The following LYAR variants were observed in gnomAD, a reference collection of about 807,000 sequenced individuals.
LYAR encodes the protein Ly1 antibody reactive, also known as cell growth-regulating nucleolar protein.
In LYAR, 37 loss-of-function variants were observed where a neutral mutation model predicts 45.2. That is an observed-to-expected ratio of 0.82 (90% CI 0.63 to 1.08). The LOEUF (loss-of-function observed/expected upper bound fraction) is 1.08, where lower values mean the gene tolerates loss of function less well. Among genes scored for constraint, LYAR ranks in the 50% least tolerant of loss-of-function variants. The pLI is 0.00. For synonymous variants in LYAR, 176 were observed against 155.1 expected (o/e 1.14, Z -1.00); for missense variants, 493 against 451.0 (o/e 1.09, Z -0.84).
rs141027566 is a variant in LYAR at position 4,267,979 on chromosome 4, G to A, written c.1050C>T (p.Ser350=). The change falls in exon 10 of 10, where the codon TCC becomes TCT. Residue 350 remains serine (S), a synonymous_variant. Transcript: ENST00000343470. ...YYTVTDEHHR[S]EEELLVIFNK... is the part of the protein sequence containing the mutation. ...TAAAGATGACCAGGAGTTCCTCTTC[G>A]GATCTGTGATGCTCATCTGTCACTG... is the stretch of plus-strand genomic sequence containing the variant. 2.4e-5 allele frequency: 38 copies of A among 1,612,182 alleles called. No individual in the cohort carries two copies. Among genetic ancestry groups the A allele is most frequent in the African/African-American group, 2.3e-4 (17 of 74,862 alleles).
chr4:4,272,406 C>A (rs1427893515), intron 8 of LYAR, among the ~76,000 whole-genome samples: 2 of 152,210 alleles, frequency 1.3e-5, no homozygotes. Flanking sequence ...CCTGAAATCA[C>A]AATGGTACTG....
chr4:4,268,500 T>C (rs1205441312), intron 9 of LYAR, 30 bp downstream of exon 9: 7 of 1,380,638 alleles, frequency 5.1e-6, no homozygotes, highest in Non-Finnish European at 6.1e-6. Context: ...CCCCAGCTGT[T>C]AGACACGTGG....
chr4:4,274,614 C>A lies in LYAR; in HGVS notation c.585G>T (p.Arg195=). 6.2e-7 allele frequency: 1 copy of A among 1,613,984 alleles called. No homozygotes were observed. Among genetic ancestry groups the A allele is most frequent in the Non-Finnish European group, 8.5e-7 (1 of 1,179,998 alleles). The change falls in exon 7 of 10, where the codon CGG becomes CGT. Residue 195 remains arginine, a synonymous_variant. Transcript: ENST00000343470. ...KKNKRERKEE[R]QKKRKREKKE... ...TCTTTTCTCTTTTCCTTTTCTTCTGCCGTTCTTCCTTTCTTTCTCTTTTAT... is the reference window on the plus strand; with the variant it reads ...TCTTTTCTCTTTTCCTTTTCTTCTGACGTTCTTCCTTTCTTTCTCTTTTAT...
At chr4:4,269,801 T>C (rs1242329448) in intron 8 of LYAR, among the ~76,000 whole-genome samples, 1 of 152,208 alleles carries the variant, frequency 6.6e-6, no homozygotes, top group Non-Finnish European at 1.5e-5. Context: ...AACATAGACC[T>C]GAAATTTGCT....
At chr4:4,272,364 G>T (rs898127918) in intron 8 of LYAR, among the ~76,000 whole-genome samples, 3 of 152,154 alleles carry the variant, frequency 2.0e-5, no homozygotes, top group Admixed American at 6.5e-5. Context: ...CCCTTGATCT[G>T]CAGGGGACAG....
chr4:4,276,584 C>T (rs902964709), intron 6 of LYAR, among the ~76,000 whole-genome samples: 1 of 150,040 alleles, frequency 6.7e-6, no homozygotes, highest in South Asian at 2.1e-4. Context: ...AGGCCGGGTG[C>T]GGTGGCTCAT....
chr4:4,276,248 T>G (rs1490649130), intron 6 of LYAR, among the ~76,000 whole-genome samples: 1 of 152,184 alleles, frequency 6.6e-6, no homozygotes, highest in East Asian at 1.9e-4. Flanking sequence ...TCTCTGTTAG[T>G]CTAGCCAAAG....
intron 8 of LYAR, among the ~76,000 whole-genome samples, chr4:4,270,004 A>C (rs1175180460): frequency 1.3e-5 from 2 of 152,134 alleles, no homozygotes; most frequent in Admixed American, 6.5e-5. Flanking sequence ...GGATTGCTTG[A>C]GCCCAGGAGT....
chr4:4,278,607 C>T (rs761475136), intron 6 of LYAR, among the ~76,000 whole-genome samples: 1 of 152,176 alleles, frequency 6.6e-6, no homozygotes, highest in African/African-American at 2.4e-5. Context: ...CTAGTCACTA[C>T]GTCCTCACCC....
At chr4:4,273,934 T>C (rs549679815) in intron 7 of LYAR, among the ~76,000 whole-genome samples, 1 of 152,214 alleles carries the variant, frequency 6.6e-6, no homozygotes. Context: ...GTTCCCTTAC[T>C]TGGTTCAAAA....
At position 4,281,875 on chromosome 4, in the gene LYAR, C is replaced by G. The variant is rs151107558; in HGVS notation, c.145G>C (p.Val49Leu). The G allele has an allele frequency of 3.1e-6, 5 of 1,613,948 alleles. No homozygotes were observed. In the East Asian group the frequency reaches 8.9e-5, roughly 29 times the overall value. ...TTCTGATCTTCACTTATGCATTTCA[C>G]GTGGTTTTTATAGTCATCGCCCCTT... Reference protein sequence around the residue: ...DFWGDDYKNHVKCISEDQKYG... With the variant: ...DFWGDDYKNHLKCISEDQKYG... The change falls in exon 4 of 10, where the codon GTG (valine) becomes CTG (leucine). Residue 49 changes from valine to leucine, a missense_variant. Physicochemically the swap from Val to Leu is conservative, Grantham distance 32 (BLOSUM62 1). Transcript: ENST00000343470.
intron 7 of LYAR, among the ~76,000 whole-genome samples, chr4:4,274,057 C>T (rs971899073): frequency 2.0e-5 from 3 of 152,044 alleles, no homozygotes; most frequent in Non-Finnish European, 2.9e-5. Flanking sequence ...GCTAACATGG[C>T]GAAACCCCAT....
chr4:4,283,232 C>T (rs1171885595), intron 3 of LYAR, among the ~76,000 whole-genome samples: 3 of 152,216 alleles, frequency 2.0e-5, no homozygotes, highest in African/African-American at 7.2e-5. Flanking sequence ...CTCACCGCAA[C>T]CTCTGCCTCC....
At chr4:4,275,055 A>G (rs1337641121) in intron 6 of LYAR, among the ~76,000 whole-genome samples, 1 of 152,200 alleles carries the variant, frequency 6.6e-6, no homozygotes, top group Non-Finnish European at 1.5e-5. Context: ...AAGACCTTTC[A>G]TTCCAGCTCA....
rs1718977991 is a variant in LYAR, at chr4:4,272,554, T to A, written c.919+1029A>T. Among the ~76,000 whole-genome samples, 3 of 152,130 alleles carry A rather than the reference T, an allele frequency of 2.0e-5. No homozygotes were observed. In the South Asian group the frequency reaches 6.2e-4, roughly 32 times the overall value. ...ATTTTACAATACACTATAATAAAAG[T>A]TATGTGAATGTGGTCTCTCTGTGTC... On this transcript the variant is annotated intron_variant, in intron 8 of 9. Transcript: ENST00000343470.
intron 3 of LYAR, 42 bp downstream of exon 3, chr4:4,283,579 T>A (rs1345033110): frequency 3.2e-6 from 5 of 1,578,294 alleles, no homozygotes; most frequent in Non-Finnish European, 1.7e-6. Context: ...CCAAAACTGA[T>A]CTGGATTTAC....
intron 1 of LYAR, among the ~76,000 whole-genome samples, chr4:4,286,951 T>C (rs563788592): frequency 6.6e-6 from 1 of 152,306 alleles, no homozygotes; most frequent in African/African-American, 2.4e-5. Flanking sequence ...GCGCCCGGCC[T>C]TAATTAAATT....
In LYAR at chr4:4,283,802, A is replaced by G; in HGVS notation, c.-53-7T>C. 1.5e-6 allele frequency: 2 copies of G among 1,327,272 alleles called. No homozygotes were observed. The highest frequency in any genetic ancestry group is 3.0e-5 in the South Asian group (2 of 66,916). The allele number at this position is 1,327,272 out of a possible 1,614,324, so 82.2% of individuals were successfully genotyped here. On this transcript the variant is annotated splice_polypyrimidine_tract_variant and splice_region_variant and intron_variant, in intron 2 of 9. Coordinates refer to ENST00000343470, the MANE Select transcript of LYAR (RefSeq NM_017816.3). ...ACAGGTTTTAAGTCTTGTCCTAAGG[A>G]AAAAAAGACAATTATAATTATAAAC...
At chr4:4,270,144 A>C (rs1183367921) in intron 8 of LYAR, among the ~76,000 whole-genome samples, 1 of 152,014 alleles carries the variant, frequency 6.6e-6, no homozygotes, top group African/African-American at 2.4e-5. Flanking sequence ...TTGAGGCTGC[A>C]GTGAGTCATG....
Sources: allele counts gnomAD v4.1 joint callset (sites outside exome capture counted in the v4.1 genomes callset), GRCh38; gene constraint gnomAD v4.1.1; transcripts MANE v1.5; gene names NCBI Gene and HGNC (gene_info 2026-07-23, HGNC 2026-07-21).